Variants in ACSS3 observed in about 807,000 individuals in gnomAD.
The protein encoded by ACSS3 is acyl-CoA synthetase short chain family member 3, also known as acyl-CoA synthetase short-chain family member 3, mitochondrial.
A neutral mutation model predicts 84.2 loss-of-function variants in ACSS3; 64 were observed. That is an observed-to-expected ratio of 0.76 (90% CI 0.62 to 0.94). ACSS3 has a LOEUF of 0.94. Among genes scored for constraint, ACSS3 ranks in the 40% least tolerant of loss-of-function variants. ACSS3 has a pLI of 0.00. For missense variants in ACSS3, 815 were observed against 867.6 expected (o/e 0.94, Z 0.76); for synonymous variants, 317 against 310.1 (o/e 1.02, Z -0.23).
chr12:81,176,482 G>A (rs1454635610), intron 8 of ACSS3, among the ~76,000 whole-genome samples: 3 of 152,106 alleles, frequency 2.0e-5, no homozygotes, highest in African/African-American at 7.2e-5. Flanking sequence ...GCTGAGGCAG[G>A]AGAATTGCTT....
At chr12:81,162,001 T>A (rs1290266062) in intron 7 of ACSS3, among the ~76,000 whole-genome samples, 1 of 152,122 alleles carries the variant, frequency 6.6e-6, no homozygotes, top group East Asian at 1.9e-4. Flanking sequence ...AGCCCCCAGG[T>A]CTGGGCTGCT....
At chr12:81,238,825 AT>A (rs2033706658) in intron 13 of ACSS3, among the ~76,000 whole-genome samples, 1 of 149,728 alleles carries the variant, frequency 6.7e-6, no homozygotes, top group Non-Finnish European at 1.5e-5. Context: ...GTTTTATGGT[AT>A]TTTCTATTGA....
At chr12:81,244,349 T>C (rs1271368402) in intron 13 of ACSS3, among the ~76,000 whole-genome samples, 2 of 152,122 alleles carry the variant, frequency 1.3e-5, no homozygotes, top group Non-Finnish European at 2.9e-5. Flanking sequence ...TAGGATTTTT[T>C]TTTTTACATT....
At chr12:81,193,248 A>G (rs1189853900) in intron 8 of ACSS3, among the ~76,000 whole-genome samples, 3 of 152,086 alleles carry the variant, frequency 2.0e-5, no homozygotes, top group South Asian at 2.1e-4. Context: ...GAAATAATCT[A>G]TTTTTATTTA....
At chr12:81,207,876 C>A (rs1413554445) in intron 9 of ACSS3, among the ~76,000 whole-genome samples, 1 of 152,034 alleles carries the variant, frequency 6.6e-6, no homozygotes, top group Non-Finnish European at 1.5e-5. Context: ...CCATTGAGTC[C>A]TCCACAGTTA....
At chr12:81,205,935 A>G (rs1249989271) in intron 9 of ACSS3, among the ~76,000 whole-genome samples, 2 of 152,104 alleles carry the variant, frequency 1.3e-5, no homozygotes, top group Non-Finnish European at 2.9e-5. Flanking sequence ...ATTTACTGCA[A>G]AATACATTCC....
At chr12:81,225,427 CAGTT>C (rs144106230) in intron 11 of ACSS3, among the ~76,000 whole-genome samples, 1,593 of 151,986 alleles carry the variant, frequency 0.01, 32 homozygotes, top group African/African-American at 0.037. Context: ...GACTGATCCT[CAGTT>C]AGACTTGTGA....
chr12:81,188,199 G>C (rs1198514687), intron 8 of ACSS3, among the ~76,000 whole-genome samples: 1 of 151,824 alleles, frequency 6.6e-6, no homozygotes, highest in South Asian at 2.1e-4. Context: ...ATCTCTGATA[G>C]GTTAGTAAAT....
rs933059924 is a variant in ACSS3 at position 81,244,240 on chromosome 12, TCTCTA to T, written c.1720-9066_1720-9062del. Among the ~76,000 whole-genome samples the T allele has an allele frequency of 3.7e-4, 56 of 152,162 alleles. 1 individual carries two copies. Among genetic ancestry groups the T allele is most frequent in the Admixed American group, 2.0e-4 (3 of 15,274 alleles). On this transcript the variant is annotated intron_variant, in intron 13 of 15. Coordinates refer to ENST00000548058, the MANE Select transcript of ACSS3 (RefSeq NM_024560.4). ...GTCACATGTGATTCTTATCTTTGCT[TCTCTA>T]TAGGTAAGGTGTTTCTCCCTCCACT... is the stretch of plus-strand genomic sequence containing the variant.
chr12:81,167,985 A>G (rs925025917), intron 7 of ACSS3, among the ~76,000 whole-genome samples: 1 of 152,162 alleles, frequency 6.6e-6, no homozygotes, highest in African/African-American at 2.4e-5. Flanking sequence ...TAGCAAACTG[A>G]TAGAAAGTAT....
chr12:81,231,673 A>G (rs1263771524), intron 12 of ACSS3, among the ~76,000 whole-genome samples: 1 of 151,820 alleles, frequency 6.6e-6, no homozygotes, highest in Admixed American at 6.6e-5. Flanking sequence ...TACAGGACAG[A>G]AACAGTGTAC....
At chr12:81,199,670 C>A (rs1259597881) in intron 9 of ACSS3, 3 of 1,454,304 alleles carry the variant, frequency 2.1e-6, no homozygotes, top group Non-Finnish European at 1.8e-6. Context: ...GTATAAAGCA[C>A]TAAAGACCTC....
intron 11 of ACSS3, among the ~76,000 whole-genome samples, chr12:81,223,417 A>G (rs527651169): frequency 1.3e-5 from 2 of 152,202 alleles, no homozygotes; most frequent in African/African-American, 4.8e-5. Context: ...CTTGGGAAAG[A>G]GCCAAGGAAG....
At chr12:81,175,815 A>G (rs1462132895) in intron 8 of ACSS3, among the ~76,000 whole-genome samples, 2 of 152,222 alleles carry the variant, frequency 1.3e-5, no homozygotes, top group Non-Finnish European at 2.9e-5. Context: ...ATGAAAACAA[A>G]TGTACAATAT....
chr12:81,168,379 T>C (rs901688537), intron 7 of ACSS3, among the ~76,000 whole-genome samples: 1 of 152,210 alleles, frequency 6.6e-6, no homozygotes, highest in African/African-American at 2.4e-5. Context: ...ATAGAAGCTA[T>C]TGACTCCTCT....
chr12:81,133,775 A>G (rs1342255348), intron 2 of ACSS3, among the ~76,000 whole-genome samples: 2 of 152,128 alleles, frequency 1.3e-5, no homozygotes, highest in African/African-American at 2.4e-5. Context: ...CTGCTAAAGT[A>G]TAAGTACTTG....
intron 1 of ACSS3, among the ~76,000 whole-genome samples, chr12:81,102,665 A>C (rs1882616086): frequency 1.7e-5 from 2 of 118,294 alleles, no homozygotes; most frequent in South Asian, 2.9e-4. Context: ...TACTAAAACT[A>C]CCAAAAAAAA....
intron 5 of ACSS3, chr12:81,151,598 G>A (rs972397424): frequency 5.0e-5 from 17 of 341,512 alleles, no homozygotes; most frequent in Non-Finnish European, 7.9e-5. Context: ...GTTTTCTTTA[G>A]AAGACTAATA....
chr12:81,175,999 A>G (rs2030445784), intron 8 of ACSS3, among the ~76,000 whole-genome samples: 1 of 152,174 alleles, frequency 6.6e-6, no homozygotes, highest in African/African-American at 2.4e-5. Flanking sequence ...AATCAACCAA[A>G]TTAGATCTGA....
Sources: gnomAD v4.1 joint callset for allele counts (sites outside exome capture counted in the v4.1 genomes callset) on GRCh38, gnomAD v4.1.1 for gene constraint, MANE v1.5 for transcripts, NCBI Gene and HGNC (gene_info 2026-07-23, HGNC 2026-07-21) for gene names.